The following TRAPPC9 variants were observed in gnomAD, a reference collection of about 807,000 sequenced individuals.
TRAPPC9 encodes the protein IKK2 binding protein.
Under a neutral mutation model 124.0 loss-of-function variants are expected in TRAPPC9, and 83 were observed. That is an observed-to-expected ratio of 0.67 (90% CI 0.56 to 0.80). The LOEUF is 0.80. Ranked by LOEUF, TRAPPC9 falls within the 30% of genes least tolerant of loss-of-function variation. TRAPPC9 has a pLI of 0.00. For missense variants in TRAPPC9, 1,302 were observed against 1,508.3 expected, an observed-to-expected ratio of 0.86 and a Z score of 2.27; for synonymous variants, 638 against 617.5, an observed-to-expected ratio of 1.03 and a Z score of -0.49.
intron 18 of TRAPPC9, among the ~76,000 whole-genome samples, chr8:139,990,652 T>C (rs367746957): frequency 1.1e-4 from 16 of 152,008 alleles, no homozygotes; most frequent in African/African-American, 3.6e-4. Context: ...AGTGGCACAA[T>C]CTCGGCTCAC....
At chr8:139,869,040 T>C (rs1221773660) in intron 21 of TRAPPC9, among the ~76,000 whole-genome samples, 1 of 152,072 alleles carries the variant, frequency 6.6e-6, no homozygotes, top group Non-Finnish European at 1.5e-5. Flanking sequence ...CACAAAAGTA[T>C]ATAGAAAAAT....
chr8:139,864,223 T>A (rs1394174213), intron 21 of TRAPPC9, among the ~76,000 whole-genome samples: 1 of 152,224 alleles, frequency 6.6e-6, no homozygotes, highest in East Asian at 1.9e-4. Flanking sequence ...TCCCAGCTGA[T>A]CCACGTCCAA....
intron 12 of TRAPPC9, among the ~76,000 whole-genome samples, chr8:140,290,657 G>A (rs112229814): frequency 8.5e-5 from 13 of 152,296 alleles, no homozygotes; most frequent in South Asian, 2.1e-4. Flanking sequence ...TGCTGATACC[G>A]TTGAGTAGCA....
At position 139,953,956 on chromosome 8, in the gene TRAPPC9, A is replaced by G. The variant is rs2131522520; in HGVS notation, c.2810+34770T>C. ...ATCCAATGCTGCAGACGATGTAGAG[A>G]ACCACTGATACACTGAACAGTGTGG... On this transcript the variant is annotated intron_variant, in intron 19 of 22. Coordinates refer to ENST00000438773, the MANE Select transcript of TRAPPC9 (RefSeq NM_001160372.4). 2.0e-5 allele frequency among the ~76,000 whole-genome samples: 3 copies of G among 152,366 alleles called. 1 individual carries two copies. In the South Asian group the frequency reaches 6.2e-4, roughly 32 times the overall value.
At chr8:140,258,802 G>A (rs2064329358) in intron 15 of TRAPPC9, among the ~76,000 whole-genome samples, 1 of 152,236 alleles carries the variant, frequency 6.6e-6, no homozygotes, top group African/African-American at 2.4e-5. Flanking sequence ...GGGGGCCAGG[G>A]CCCAAGGCCT....
intron 21 of TRAPPC9, among the ~76,000 whole-genome samples, chr8:139,737,907 G>A (rs931605671): frequency 1.3e-5 from 2 of 152,168 alleles, no homozygotes; most frequent in African/African-American, 4.8e-5. Flanking sequence ...GAACTAGGAC[G>A]GGGATGCTTT....
rs189269831 is a variant in TRAPPC9 at position 140,319,050 on chromosome 8, G to A, written c.1496-7676C>T. Among the ~76,000 whole-genome samples the A allele has an allele frequency of 1.3e-4, 20 of 152,214 alleles. No homozygotes were observed. The East Asian group carries it at 3.5e-3, about 26-fold the overall frequency. The stretch of plus-strand genomic sequence containing the variant: ...ACAGCATATGATTTGGTTAGTGGGA[G>A]GTGATGATTCCTCAACTTATGTCAC... On this transcript the variant is annotated intron_variant, in intron 9 of 22. Transcript: ENST00000438773.
intron 19 of TRAPPC9, among the ~76,000 whole-genome samples, chr8:139,988,215 C>T (rs56039446): frequency 6.3e-4 from 95 of 150,666 alleles, no homozygotes; most frequent in Non-Finnish European, 7.5e-4. Context: ...CGGGTTCAAG[C>T]GATTCTCCTG....
intron 6 of TRAPPC9, among the ~76,000 whole-genome samples, chr8:140,403,743 C>T (rs1452062428): frequency 2.7e-5 from 4 of 150,392 alleles, no homozygotes; most frequent in East Asian, 3.9e-4. Flanking sequence ...CTGCAACTTC[C>T]GCCTCCAGGG....
chr8:139,773,526 G>T (rs1181025414), intron 21 of TRAPPC9, among the ~76,000 whole-genome samples: 2 of 152,180 alleles, frequency 1.3e-5, no homozygotes, highest in African/African-American at 4.8e-5. Context: ...CTCAGAGGTC[G>T]TTGGGACAGC....
intron 17 of TRAPPC9, among the ~76,000 whole-genome samples, chr8:140,091,820 C>T (rs928191241): frequency 3.9e-5 from 6 of 152,190 alleles, no homozygotes; most frequent in Non-Finnish European, 7.4e-5. Context: ...GACTGCTCTA[C>T]CCAGCAGTCT....
chr8:140,400,006 G>A (rs2069213838), intron 6 of TRAPPC9, among the ~76,000 whole-genome samples: 1 of 152,158 alleles, frequency 6.6e-6, no homozygotes, highest in Non-Finnish European at 1.5e-5. Flanking sequence ...GTTTTTATCA[G>A]GAGCTTCCGC....
intron 17 of TRAPPC9, among the ~76,000 whole-genome samples, chr8:140,109,861 T>C (rs1332303010): frequency 2.0e-5 from 3 of 152,232 alleles, no homozygotes; most frequent in East Asian, 1.9e-4. Context: ...CCTGGTCTGA[T>C]GAACACTGAG....
chr8:139,936,057 C>T (rs1051385606), intron 19 of TRAPPC9, among the ~76,000 whole-genome samples: 2 of 152,232 alleles, frequency 1.3e-5, no homozygotes. Flanking sequence ...AGTGGCGTCA[C>T]ATGCTCACGC....
rs974061603 is a variant in TRAPPC9 at position 140,351,168 on chromosome 8, G to A, written c.1495+8882C>T. On this transcript the variant is annotated intron_variant, in intron 9 of 22. Transcript: ENST00000438773. ...AGGATGAGGAAGGAGAAGCGACAACGGATGAGAGACACAGGCCCACGCTAG... is the reference window on the plus strand; with the variant it reads ...AGGATGAGGAAGGAGAAGCGACAACAGATGAGAGACACAGGCCCACGCTAG... Among the ~76,000 whole-genome samples, 51 of 110,166 alleles carry A rather than the reference G, an allele frequency of 4.6e-4. 3 individuals carry two copies. Among genetic ancestry groups the A allele is most frequent in the African/African-American group, 1.4e-3 (45 of 31,996 alleles). The allele number at this position is 110,166 out of a possible 152,430, so 72.3% of individuals were successfully genotyped here. A position where few individuals can be genotyped will look rare whatever the true frequency, so the allele number is the denominator to read the frequency against.
chr8:140,094,899 C>G (rs539919442), intron 17 of TRAPPC9: 9 of 152,210 alleles, frequency 5.9e-5, no homozygotes, highest in Admixed American at 5.9e-4. Context: ...GGATGTATAT[C>G]GCACCTAGTA....
intron 19 of TRAPPC9, among the ~76,000 whole-genome samples, chr8:139,963,777 A>C (rs935827359): frequency 7.7e-6 from 1 of 130,624 alleles, no homozygotes; most frequent in African/African-American, 2.9e-5. Flanking sequence ...AAAAAAAAAA[A>C]CAACTACAGA....
chr8:140,423,958 C>G (rs2070331876), intron 5 of TRAPPC9, among the ~76,000 whole-genome samples: 1 of 152,004 alleles, frequency 6.6e-6, no homozygotes, highest in South Asian at 2.1e-4. Flanking sequence ...TTACTAGTTG[C>G]TTGGGGGTAA....
rs1275931512 is a variant in TRAPPC9 at position 139,997,908 on chromosome 8, G to T, written c.2700-9072C>A. Among the ~76,000 whole-genome samples the T allele has an allele frequency of 9.8e-3, 325 of 33,088 alleles. 11 individuals carry two copies. The highest frequency in any genetic ancestry group is 0.038 in the Middle Eastern group (1 of 26). 21.7% of individuals were successfully genotyped at this position (33,088 alleles called of 152,430 possible). ...GAGACAATGCATCCCACACAGGGGAGACAATGCATCCCACACAGGGGATAC... is the reference window on the plus strand; with the variant it reads ...GAGACAATGCATCCCACACAGGGGATACAATGCATCCCACACAGGGGATAC... On this transcript the variant is annotated intron_variant, in intron 18 of 22. Coordinates refer to ENST00000438773, the MANE Select transcript of TRAPPC9 (RefSeq NM_001160372.4).
Sources: gnomAD v4.1 joint callset for allele counts (sites outside exome capture counted in the v4.1 genomes callset) on GRCh38, gnomAD v4.1.1 for gene constraint, MANE v1.5 for transcripts, NCBI Gene and HGNC (gene_info 2026-07-23, HGNC 2026-07-21) for gene names.